The following NAA11 variants were observed in gnomAD, a reference collection of about 807,000 sequenced individuals.
NAA11 encodes N-alpha-acetyltransferase 11, NatA catalytic subunit, also known as N-alpha-acetyltransferase 11.
Under a neutral mutation model 16.1 loss-of-function variants are expected in NAA11, and 15 were observed. The ratio of observed to expected loss-of-function variants is 0.93; its 90% CI spans 0.62 to 1.44. The LOEUF (loss-of-function observed/expected upper bound fraction) is 1.44, where lower values mean the gene tolerates loss of function less well. Among genes scored for constraint, NAA11 ranks in the 40% most tolerant of loss-of-function variants. NAA11 has a pLI of 0.00. For missense variants in NAA11, 298 were observed against 291.3 expected, an observed-to-expected ratio of 1.02 and a Z score of -0.17; for synonymous variants, 122 against 112.4, an observed-to-expected ratio of 1.09 and a Z score of -0.54.
downstream of NAA11, among the ~76,000 whole-genome samples, chr4:79,221,120 T>A (rs1263028040): frequency 6.6e-6 from 1 of 152,082 alleles, no homozygotes; most frequent in Non-Finnish European, 1.5e-5. Context: ...CTGGGTATTT[T>A]ATTCTCTTTG....
the NAA11 span, among the ~76,000 whole-genome samples, chr4:79,172,393 T>A: frequency 6.6e-6 from 1 of 152,166 alleles, no homozygotes; most frequent in Non-Finnish European, 1.5e-5. Context: ...ATTAACTTTT[T>A]TTCCAAGGGA....
At chr4:79,195,342 G>A in the NAA11 span, among the ~76,000 whole-genome samples, 8 of 152,136 alleles carry the variant, frequency 5.3e-5, no homozygotes, top group South Asian at 2.1e-4. Context: ...TAAACTCTAC[G>A]TGGGTGAACT....
At chr4:79,281,567 C>T (rs776938483) in intron 2 of NAA11, among the ~76,000 whole-genome samples, 11 of 151,942 alleles carry the variant, frequency 7.2e-5, no homozygotes, top group Non-Finnish European at 1.5e-4. Flanking sequence ...TATTCTACTA[C>T]AAGATAAGTG....
intron 2 of NAA11, among the ~76,000 whole-genome samples, chr4:79,255,351 A>G (rs1051437189): frequency 6.6e-6 from 1 of 152,164 alleles, no homozygotes; most frequent in African/African-American, 2.4e-5. Flanking sequence ...TGATATTAAT[A>G]TCAATATTCT....
chr4:79,210,058 C>T, the NAA11 span, among the ~76,000 whole-genome samples: 1 of 152,078 alleles, frequency 6.6e-6, no homozygotes, highest in South Asian at 2.1e-4. Context: ...AAAAAATACA[C>T]TGGTTAAATT....
At chr4:79,266,643 G>T (rs2109977362) in intron 2 of NAA11, among the ~76,000 whole-genome samples, 1 of 152,234 alleles carries the variant, frequency 6.6e-6, no homozygotes, top group South Asian at 2.1e-4. Flanking sequence ...GAATCCTTTT[G>T]CACAAGGAAA....
chr4:79,190,333 C>T, the NAA11 span, among the ~76,000 whole-genome samples: 19 of 152,160 alleles, frequency 1.2e-4, no homozygotes, highest in African/African-American at 2.9e-4. Flanking sequence ...TGGCCTCATA[C>T]GTAAAATCAT....
the NAA11 span, among the ~76,000 whole-genome samples, chr4:79,186,887 C>A: frequency 1.4e-4 from 22 of 151,942 alleles, no homozygotes; most frequent in Non-Finnish European, 2.4e-4. Context: ...ACCTGAGAAG[C>A]ACGATGAACA....
chr4:79,166,898 A>G, the NAA11 span, among the ~76,000 whole-genome samples: 3 of 146,678 alleles, frequency 2.0e-5, no homozygotes, highest in Non-Finnish European at 4.5e-5. Context: ...GGCATGAGCC[A>G]CCATGCCTGG....
the NAA11 span, among the ~76,000 whole-genome samples, chr4:79,188,600 A>G: frequency 5.9e-5 from 9 of 151,630 alleles, no homozygotes; most frequent in Admixed American, 5.2e-4. Context: ...AAAAGAAAAA[A>G]AAAAAGACAA....
Position 79,316,882 on chromosome 4 carries a change from AG to A in NAA11, c.*921del. 1 of 152,346 alleles carries A rather than the reference AG, an allele frequency of 6.6e-6. No individual in the cohort carries two copies. Among genetic ancestry groups the A allele is most frequent in the Admixed American group, 6.5e-5 (1 of 15,306 alleles). 9.4% of individuals were successfully genotyped at this position (152,346 alleles called of 1,614,324 possible). A position where few individuals can be genotyped will look rare whatever the true frequency, so the allele number is the denominator to read the frequency against. On this transcript the variant is annotated 3_prime_UTR_variant, in exon 2 of 2. Coordinates refer to ENST00000286794, the MANE Select transcript of NAA11 (RefSeq NM_032693.3). ...CAAAGAGTAGGAACAGAAAAGTAGA[AG>A]GAACTTTGGCTTTGAATTCAAACAG... is the stretch of plus-strand genomic sequence containing the variant.
At chr4:79,178,069 A>C in the NAA11 span, among the ~76,000 whole-genome samples, 1 of 152,204 alleles carries the variant, frequency 6.6e-6, no homozygotes, top group Non-Finnish European at 1.5e-5. Flanking sequence ...GAAGCAAGAT[A>C]TCTTTTGAAC....
At chr4:79,274,658 A>G (rs1392674291) in intron 2 of NAA11, among the ~76,000 whole-genome samples, 2 of 152,090 alleles carry the variant, frequency 1.3e-5, no homozygotes, top group Non-Finnish European at 2.9e-5. Flanking sequence ...GTATAGTATC[A>G]GTATGAGAAT....
At chr4:79,161,502 G>A in the NAA11 span, among the ~76,000 whole-genome samples, 1 of 151,976 alleles carries the variant, frequency 6.6e-6, no homozygotes, top group East Asian at 1.9e-4. Flanking sequence ...TTGCTATTCT[G>A]GATTCCTTAA....
At chr4:79,285,393 T>C (rs1722884517) in intron 2 of NAA11, among the ~76,000 whole-genome samples, 1 of 152,092 alleles carries the variant, frequency 6.6e-6, no homozygotes, top group African/African-American at 2.4e-5. Flanking sequence ...TAATTTCTGA[T>C]TTAGAATGCT....
chr4:79,299,812 G>A (rs1723333950), intron 1 of NAA11, among the ~76,000 whole-genome samples: 1 of 152,170 alleles, frequency 6.6e-6, no homozygotes, highest in Non-Finnish European at 1.5e-5. Context: ...TTCTCATATT[G>A]CAGATACCAG....
intron 2 of NAA11, among the ~76,000 whole-genome samples, chr4:79,291,396 G>A (rs1362635741): frequency 1.3e-5 from 2 of 152,050 alleles, no homozygotes; most frequent in Non-Finnish European, 2.9e-5. Flanking sequence ...CCAAGAGATC[G>A]AGGCTGAAGT....
chr4:79,293,919 G>T (rs1379669491), intron 2 of NAA11: 1 of 152,208 alleles, frequency 6.6e-6, no homozygotes, highest in East Asian at 1.9e-4. Flanking sequence ...ATTATCTCAG[G>T]AATGGATTAG....
chr4:79,205,204 G>A, the NAA11 span, among the ~76,000 whole-genome samples: 1 of 151,972 alleles, frequency 6.6e-6, no homozygotes, highest in Non-Finnish European at 1.5e-5. Flanking sequence ...TTGCTGGATA[G>A]AATGGTAGGT....
Sources: allele counts gnomAD v4.1 joint callset (sites outside exome capture counted in the v4.1 genomes callset), GRCh38; gene constraint gnomAD v4.1.1; transcripts MANE v1.5; gene names NCBI Gene and HGNC (gene_info 2026-07-23, HGNC 2026-07-21).